Variants in EEA1 observed in about 807,000 individuals in gnomAD.
EEA1 encodes the protein early endosome antigen 1.
In EEA1, 111 loss-of-function variants were observed where a neutral mutation model predicts 209.2. That is an observed-to-expected ratio of 0.53 (90% CI 0.45 to 0.62). The LOEUF (loss-of-function observed/expected upper bound fraction) is 0.62. EEA1 is among the 20% of genes least tolerant of loss of function. The pLI, the probability that EEA1 is intolerant of heterozygous loss-of-function variation, is 0.00. For synonymous variants in EEA1, 536 were observed against 540.6 expected, an observed-to-expected ratio of 0.99 and a Z score of 0.12; for missense variants, 1,343 against 1,530.8, an observed-to-expected ratio of 0.88 and a Z score of 2.05.
chr12:92,888,318 C>T (rs972427254), intron 2 of EEA1, among the ~76,000 whole-genome samples: 2 of 152,132 alleles, frequency 1.3e-5, no homozygotes, highest in Non-Finnish European at 1.5e-5. Flanking sequence ...CAGTGGCTTA[C>T]GCCTGTAATG....
At chr12:92,817,698 T>G (rs915213989) in intron 14 of EEA1, among the ~76,000 whole-genome samples, 5 of 152,218 alleles carry the variant, frequency 3.3e-5, no homozygotes, top group African/African-American at 9.6e-5. Context: ...TCTTCACATG[T>G]GTAGTAATCT....
At chr12:92,818,935 T>A (rs1592718497) in intron 14 of EEA1, among the ~76,000 whole-genome samples, 1 of 152,332 alleles carries the variant, frequency 6.6e-6, no homozygotes. Context: ...ACTTGATTAA[T>A]ATCTTCAATT....
chr12:92,877,149 T>C (rs1184765588), intron 2 of EEA1, among the ~76,000 whole-genome samples: 1 of 150,090 alleles, frequency 6.7e-6, no homozygotes, highest in African/African-American at 2.5e-5. Context: ...TTTTTTTTTT[T>C]TGTATTTTTA....
rs1048903901 is a variant in EEA1, at chr12:92,881,638, G to A, written c.117+9991C>T. On this transcript the variant is annotated intron_variant, in intron 2 of 28. Coordinates refer to ENST00000322349, the MANE Select transcript of EEA1 (RefSeq NM_003566.4). ...AGTAAGATGAGGACAAAGAAGTACA[G>A]ATGAGAATTAGTAAAAGACAGGCCA... Among the ~76,000 whole-genome samples the A allele has an allele frequency of 3.9e-5, 6 of 152,262 alleles. 1 individual carries two copies.
At chr12:92,790,087 A>G (rs774778114) in intron 21 of EEA1, among the ~76,000 whole-genome samples, 1 of 152,204 alleles carries the variant, frequency 6.6e-6, no homozygotes, top group Non-Finnish European at 1.5e-5. Context: ...TAACATCAAC[A>G]TCAACAAAAA....
rs2136641705 is a variant in EEA1, at chr12:92,772,312, G to A, written c.*3699C>T. ...AATTCTCTACAATATTAAATGGAAT[G>A]TCTAAGGCAAAATGGCATTAATAAT... On this transcript the variant is annotated 3_prime_UTR_variant, in exon 29 of 29. Coordinates refer to ENST00000322349, the MANE Select transcript of EEA1 (RefSeq NM_003566.4). 1 of 151,918 alleles carries A rather than the reference G, an allele frequency of 6.6e-6. No homozygotes were observed. Among genetic ancestry groups the A allele is most frequent in the East Asian group, 1.9e-4 (1 of 5,176 alleles). The allele number at this position is 151,918 out of a possible 1,614,324, so 9.4% of individuals were successfully genotyped here. A position where few individuals can be genotyped will look rare whatever the true frequency, so the allele number is the denominator to read the frequency against.
At position 92,816,409 on chromosome 12, in the gene EEA1, CA is replaced by C; in HGVS notation, c.1729-10del. ...TCTGTTAGTTGAGTTACCTGTTATA[CA>C]AGTAAGACTAATCGTGAAGTTCACA... is the stretch of plus-strand genomic sequence containing the variant. On this transcript the variant is annotated splice_polypyrimidine_tract_variant and intron_variant, in intron 14 of 28. Coordinates refer to ENST00000322349, the MANE Select transcript of EEA1 (RefSeq NM_003566.4). 2 of 1,611,728 alleles carry C rather than the reference CA, an allele frequency of 1.2e-6. No individual in the cohort carries two copies. Among genetic ancestry groups the C allele is most frequent in the Non-Finnish European group, 1.7e-6 (2 of 1,178,476 alleles).
At position 92,782,018 on chromosome 12, in the gene EEA1, C is replaced by T. The variant is rs1277192399; in HGVS notation, c.3268G>A (p.Asp1090Asn). 6.2e-7 allele frequency: 1 copy of T among 1,613,228 alleles called. No individual in the cohort carries two copies. The highest frequency in any genetic ancestry group is 1.7e-5 in the Admixed American group (1 of 59,962). The change falls in exon 23 of 29, where the codon GAT becomes AAT. Residue 1090 changes from aspartate to asparagine, a missense_variant. Physicochemically the swap from Asp to Asn is conservative, Grantham distance 23. This residue lies in a region of EEA1 where 1,307 missense variants were observed against 1,465.5 expected (regional missense o/e 0.89). Transcript: ENST00000322349. ...LKTAKATLEQDSAKKEQQLQE... is the reference protein window; with the variant it reads ...LKTAKATLEQNSAKKEQQLQE... ...AATTGCTGTTCTTTCTTTGCTGAAT[C>T]CTGCTCCAATGTAGCCTTGGCAGTC...
chr12:92,917,389 G>A (rs546035315), intron 1 of EEA1, among the ~76,000 whole-genome samples: 7,825 of 145,354 alleles, frequency 0.054, 233 homozygotes, highest in Middle Eastern at 0.089. Context: ...GACTAACAGC[G>A]GATCTCTCGG....
intron 3 of EEA1, chr12:92,859,246 T>A: frequency 6.2e-7 from 1 of 1,611,338 alleles, no homozygotes. Flanking sequence ...CAGCTTCCCA[T>A]GGGAAGTGCC....
intron 2 of EEA1, among the ~76,000 whole-genome samples, chr12:92,887,985 TA>T (rs1190002030): frequency 6.6e-6 from 1 of 151,756 alleles, no homozygotes; most frequent in African/African-American, 2.4e-5. Context: ...AGAAAGAGAC[TA>T]GAACAGATTA....
At chr12:92,825,898 A>C (rs1332823388) in intron 13 of EEA1, among the ~76,000 whole-genome samples, 1 of 149,456 alleles carries the variant, frequency 6.7e-6, no homozygotes, top group Non-Finnish European at 1.5e-5. Flanking sequence ...TATAAAATAT[A>C]ATAAATACAT....
chr12:92,921,866 CAAA>C (rs756583756), intron 1 of EEA1, among the ~76,000 whole-genome samples: 5 of 83,436 alleles, frequency 6.0e-5, no homozygotes, highest in African/African-American at 9.5e-5. Context: ...GACTCTGTCT[CAAA>C]AAAAAAAAAA....
intron 9 of EEA1, among the ~76,000 whole-genome samples, chr12:92,843,182 G>A (rs1877246058): frequency 6.6e-6 from 1 of 151,862 alleles, no homozygotes; most frequent in Admixed American, 6.6e-5. Context: ...TTTTTATACA[G>A]GGTCTTGCTC....
intron 21 of EEA1, among the ~76,000 whole-genome samples, chr12:92,796,785 C>A (rs1300844830): frequency 6.6e-6 from 1 of 152,118 alleles, no homozygotes; most frequent in East Asian, 1.9e-4. Flanking sequence ...TGCTATACTT[C>A]CATATAATAT....
chr12:92,781,468 T>C (rs1235838985), intron 23 of EEA1, among the ~76,000 whole-genome samples: 1 of 152,188 alleles, frequency 6.6e-6, no homozygotes, highest in Non-Finnish European at 1.5e-5. Context: ...ATACAGAATT[T>C]AAAGTGATTT....
At chr12:92,878,957 CA>C (rs1218131759) in intron 2 of EEA1, among the ~76,000 whole-genome samples, 1 of 152,112 alleles carries the variant, frequency 6.6e-6, no homozygotes, top group African/African-American at 2.4e-5. Flanking sequence ...AAGAAAGCTC[CA>C]AGCCCAGATG....
intron 2 of EEA1, among the ~76,000 whole-genome samples, chr12:92,885,871 T>A (rs1205392629): frequency 1.3e-5 from 2 of 152,142 alleles, no homozygotes; most frequent in Non-Finnish European, 2.9e-5. Flanking sequence ...ATGTAATACA[T>A]AATGCTGAGC....
rs1008501568 is a variant in EEA1, at chr12:92,770,863, C to A, written c.*5148G>T. 1 of 152,052 alleles carries A rather than the reference C, an allele frequency of 6.6e-6. No homozygotes were observed. The highest frequency in any genetic ancestry group is 2.4e-5 in the African/African-American group (1 of 41,410). 9.4% of individuals were successfully genotyped at this position (152,052 alleles called of 1,614,324 possible). A position where few individuals can be genotyped will look rare whatever the true frequency, so the allele number is the denominator to read the frequency against. ...AAAAAATCTGGCTTTCACCAGTTAA[C>A]ACTTTTGCATGGCTTTTCTTGGCCT... On this transcript the variant is annotated 3_prime_UTR_variant, in exon 29 of 29. Coordinates refer to ENST00000322349, the MANE Select transcript of EEA1 (RefSeq NM_003566.4).
Sources: allele counts gnomAD v4.1 joint callset (sites outside exome capture counted in the v4.1 genomes callset), GRCh38; gene constraint gnomAD v4.1.1; regional missense constraint gnomAD v4.1.1; transcripts MANE v1.5; gene names NCBI Gene and HGNC (gene_info 2026-07-23, HGNC 2026-07-21).